GNA14: variants seen among roughly 807,000 people sequenced by gnomAD.
GNA14 encodes G protein subunit alpha 14, also known as guanine nucleotide-binding protein subunit alpha-14.
A neutral mutation model predicts 42.0 loss-of-function variants in GNA14; 50 were observed. The ratio of observed to expected loss-of-function variants is 1.19; its 90% CI spans 0.95 to 1.51. GNA14 has a LOEUF of 1.51. Ranked by LOEUF, GNA14 falls within the 40% of genes most tolerant of loss-of-function variation. The pLI is 0.00. For synonymous variants in GNA14, 173 were observed against 163.1 expected, an observed-to-expected ratio of 1.06 and a Z score of -0.46; for missense variants, 473 against 446.2, an observed-to-expected ratio of 1.06 and a Z score of -0.54.
At chr9:77,565,571 C>A (rs575094374) in intron 1 of GNA14, among the ~76,000 whole-genome samples, 20 of 152,226 alleles carry the variant, frequency 1.3e-4, no homozygotes, top group African/African-American at 4.6e-4. Context: ...GATTCTTGTG[C>A]CTCAGCCTCC....
intron 1 of GNA14, among the ~76,000 whole-genome samples, chr9:77,584,290 T>C (rs114427349): frequency 0.017 from 2,593 of 152,320 alleles, 61 homozygotes; most frequent in African/African-American, 0.059. Context: ...ATGACCTTGA[T>C]AGTATATTGC....
chr9:77,619,230 G>A (rs911615102), intron 1 of GNA14, among the ~76,000 whole-genome samples: 9 of 152,246 alleles, frequency 5.9e-5, no homozygotes, highest in African/African-American at 1.7e-4. Flanking sequence ...TTTTGAGACA[G>A]AGTTTCGCTC....
chr9:77,504,256 G>A (rs1371708038), intron 2 of GNA14, among the ~76,000 whole-genome samples: 5 of 151,774 alleles, frequency 3.3e-5, no homozygotes, highest in East Asian at 3.9e-4. Context: ...CCTTATAAAC[G>A]CGATCTTTTT....
chr9:77,429,400 G>C (rs113590516), intron 4 of GNA14, among the ~76,000 whole-genome samples: 2,053 of 152,260 alleles, frequency 0.013, 44 homozygotes, highest in African/African-American at 0.046. Context: ...GGACGCAGCG[G>C]CCAGCTGTCT....
chr9:77,512,895 T>G (rs370859463), intron 2 of GNA14, among the ~76,000 whole-genome samples: 3 of 152,200 alleles, frequency 2.0e-5, no homozygotes, highest in African/African-American at 7.2e-5. Flanking sequence ...CAAAATAAAT[T>G]TGAAATAATC....
intron 1 of GNA14, among the ~76,000 whole-genome samples, chr9:77,597,173 G>T (rs1249076186): frequency 6.6e-6 from 1 of 152,186 alleles, no homozygotes; most frequent in South Asian, 2.1e-4. Flanking sequence ...TGTCAAGCCT[G>T]GTGGAGTTTG....
intron 1 of GNA14, among the ~76,000 whole-genome samples, chr9:77,575,068 C>T (rs1587835267): frequency 6.6e-6 from 1 of 152,210 alleles, no homozygotes; most frequent in East Asian, 1.9e-4. Context: ...CAGCTGGAGA[C>T]ACAAGATAAT....
At chr9:77,465,798 G>A (rs1836212409) in intron 2 of GNA14, among the ~76,000 whole-genome samples, 1 of 152,028 alleles carries the variant, frequency 6.6e-6, no homozygotes, top group Non-Finnish European at 1.5e-5. Flanking sequence ...ATACAGACGG[G>A]GTCTTGCCGT....
At chr9:77,622,695 G>GT (rs1823947254) in intron 1 of GNA14, among the ~76,000 whole-genome samples, 1 of 145,340 alleles carries the variant, frequency 6.9e-6, no homozygotes, top group Non-Finnish European at 1.5e-5. Context: ...GACCATCCTG[G>GT]CTAACATGGT....
chr9:77,604,798 C>T (rs562456807), intron 1 of GNA14, among the ~76,000 whole-genome samples: 1 of 152,330 alleles, frequency 6.6e-6, no homozygotes, highest in African/African-American at 2.4e-5. Flanking sequence ...TAGACAAAAG[C>T]ACTACGTAAA....
chr9:77,497,609 A>G (rs921544639), intron 2 of GNA14, among the ~76,000 whole-genome samples: 4 of 152,000 alleles, frequency 2.6e-5, no homozygotes, highest in Non-Finnish European at 5.9e-5. Flanking sequence ...TTATCTGTGA[A>G]CTTCCTGAGC....
chr9:77,554,411 T>C (rs1241216061), intron 1 of GNA14, among the ~76,000 whole-genome samples: 4 of 152,178 alleles, frequency 2.6e-5, no homozygotes, highest in Non-Finnish European at 5.9e-5. Context: ...TGCCTATTAG[T>C]TGTCAAAGTT....
intron 2 of GNA14, among the ~76,000 whole-genome samples, chr9:77,509,056 A>T (rs918897282): frequency 6.6e-6 from 1 of 152,142 alleles, no homozygotes; most frequent in South Asian, 2.1e-4. Context: ...GAACTTTTTC[A>T]TCACTGCAAA....
intron 1 of GNA14, among the ~76,000 whole-genome samples, chr9:77,573,900 T>A (rs1358082469): frequency 6.6e-6 from 1 of 152,118 alleles, no homozygotes; most frequent in Non-Finnish European, 1.5e-5. Context: ...ATAAGGAGCT[T>A]AGAAAAAGAG....
chr9:77,439,671 G>A (rs531827578), intron 2 of GNA14, among the ~76,000 whole-genome samples: 7 of 152,278 alleles, frequency 4.6e-5, no homozygotes, highest in South Asian at 4.2e-4. Context: ...CCAAAAGAGT[G>A]GAGTTTTGTG....
chr9:77,632,859 GGT>G (rs1316581661), intron 1 of GNA14, among the ~76,000 whole-genome samples: 1 of 152,180 alleles, frequency 6.6e-6, no homozygotes, highest in Admixed American at 6.5e-5. Flanking sequence ...TCCCTTGGCA[GGT>G]GTGGGACTCA....
chr9:77,618,050 C>A (rs1242231434), intron 1 of GNA14, among the ~76,000 whole-genome samples: 1 of 152,042 alleles, frequency 6.6e-6, no homozygotes, highest in Non-Finnish European at 1.5e-5. Context: ...CACCATAAGA[C>A]CAGGGCCTTT....
chr9:77,521,302 G>A (rs1004662706), intron 2 of GNA14, among the ~76,000 whole-genome samples: 4 of 152,074 alleles, frequency 2.6e-5, no homozygotes, highest in South Asian at 2.1e-4. Flanking sequence ...CTTGGGCTAC[G>A]GCCAAAGTTG....
intron 2 of GNA14, among the ~76,000 whole-genome samples, chr9:77,449,663 G>A (rs1050934919): frequency 3.3e-5 from 5 of 152,214 alleles, no homozygotes; most frequent in Middle Eastern, 3.4e-3. Flanking sequence ...AAAAGGCCTC[G>A]TCAAGGCAAA....
Sources: allele counts gnomAD v4.1 joint callset (sites outside exome capture counted in the v4.1 genomes callset), GRCh38; gene constraint gnomAD v4.1.1; transcripts MANE v1.5; gene names NCBI Gene and HGNC (gene_info 2026-07-23, HGNC 2026-07-21).